Variants in EPHA6 observed in about 807,000 individuals in gnomAD.
The protein encoded by EPHA6 is ephrin type-A receptor 6.
EPHA6 carries 50 observed loss-of-function variants against 112.0 expected under a neutral mutation model. That is an observed-to-expected ratio of 0.45 (90% CI 0.36 to 0.56). The LOEUF (loss-of-function observed/expected upper bound fraction) is 0.56. EPHA6 is among the 20% of genes least tolerant of loss of function. The pLI is 0.00. For missense variants in EPHA6, 1,280 were observed against 1,417.4 expected (o/e 0.90, Z 1.56); for synonymous variants, 529 against 490.7 (o/e 1.08, Z -1.03).
intron 10 of EPHA6, among the ~76,000 whole-genome samples, chr3:97,524,344 A>G (rs927006568): frequency 3.3e-5 from 5 of 152,106 alleles, no homozygotes; most frequent in Non-Finnish European, 7.4e-5. Flanking sequence ...CTTAACTACA[A>G]TTGCATACAA....
intron 5 of EPHA6, among the ~76,000 whole-genome samples, chr3:97,251,787 A>G (rs1347586915): frequency 6.6e-6 from 1 of 152,164 alleles, no homozygotes; most frequent in Non-Finnish European, 1.5e-5. Context: ...TATGATGTCC[A>G]GTGAAAAATA....
At chr3:96,831,685 G>C (rs930530004) in intron 1 of EPHA6, among the ~76,000 whole-genome samples, 1 of 151,820 alleles carries the variant, frequency 6.6e-6, no homozygotes, top group Admixed American at 6.6e-5. Context: ...TTATTTGCAG[G>C]TGGTTTGAGA....
chr3:97,313,494 C>G (rs2108759353), intron 5 of EPHA6, among the ~76,000 whole-genome samples: 1 of 151,606 alleles, frequency 6.6e-6, no homozygotes. Context: ...ATTTTCATTC[C>G]CACAAACATT....
intron 4 of EPHA6, among the ~76,000 whole-genome samples, chr3:97,238,457 T>G (rs1158143821): frequency 6.6e-6 from 1 of 151,932 alleles, no homozygotes; most frequent in Non-Finnish European, 1.5e-5. Context: ...TTAAAACATG[T>G]TACCTTTGGT....
In EPHA6 at chr3:97,748,981, C is replaced by T. The variant is rs574374715; in HGVS notation, c.*280C>T. On this transcript the variant is annotated 3_prime_UTR_variant, in exon 18 of 18. Transcript: ENST00000389672. Reference sequence around the variant, plus strand: ...CATGGATGTGTAATTTTGTATAAGCCGTATATGGGAAGTGTTCACGGACTT... The same window carrying T: ...CATGGATGTGTAATTTTGTATAAGCTGTATATGGGAAGTGTTCACGGACTT... 5.9e-5 allele frequency: 23 copies of T among 390,868 alleles called. No individual in the cohort carries two copies. Among genetic ancestry groups the T allele is most frequent in the African/African-American group, 2.9e-4 (15 of 50,956 alleles). 24.2% of individuals were successfully genotyped at this position (390,868 alleles called of 1,614,324 possible). A position where few individuals can be genotyped will look rare whatever the true frequency, so the allele number is the denominator to read the frequency against.
intron 2 of EPHA6, among the ~76,000 whole-genome samples, chr3:96,986,634 A>G (rs2043032450): frequency 6.6e-6 from 1 of 152,148 alleles, no homozygotes. Context: ...ACTTTCTACC[A>G]TATTATTTAG....
chr3:96,818,435 C>G (rs959508203), intron 1 of EPHA6, among the ~76,000 whole-genome samples: 1 of 151,886 alleles, frequency 6.6e-6, no homozygotes, highest in African/African-American at 2.4e-5. Context: ...ATTAGCAATA[C>G]TTTGTGAATC....
chr3:97,048,309 G>A (rs1349275714), intron 3 of EPHA6, among the ~76,000 whole-genome samples: 3 of 152,226 alleles, frequency 2.0e-5, no homozygotes, highest in East Asian at 1.9e-4. Context: ...TTTAGTAAAC[G>A]GAGTGGAGTG....
intron 3 of EPHA6, among the ~76,000 whole-genome samples, chr3:97,040,207 A>G (rs992460031): frequency 4.6e-5 from 7 of 151,864 alleles, no homozygotes; most frequent in African/African-American, 1.7e-4. Context: ...GGATTTAAGC[A>G]TTCTTAACTG....
chr3:97,145,199 AAAT>A (rs1200416377), intron 3 of EPHA6, among the ~76,000 whole-genome samples: 2 of 151,476 alleles, frequency 1.3e-5, no homozygotes, highest in African/African-American at 4.8e-5. Flanking sequence ...AATACATGTC[AAAT>A]AAAACTATAT....
At chr3:97,555,064 A>G (rs947654026) in intron 11 of EPHA6, among the ~76,000 whole-genome samples, 2 of 151,846 alleles carry the variant, frequency 1.3e-5, no homozygotes, top group African/African-American at 2.4e-5. Flanking sequence ...ATATCTCCTA[A>G]TGGAATCCCT....
rs531152404 is a variant in EPHA6, at chr3:97,670,118, A to G, written c.2784+32036A>G. 7.2e-5 allele frequency among the ~76,000 whole-genome samples: 11 copies of G among 152,296 alleles called. No homozygotes were observed. In the South Asian group the frequency reaches 1.5e-3, roughly 20 times the overall value. On this transcript the variant is annotated intron_variant, in intron 14 of 17. Coordinates refer to ENST00000389672, the MANE Select transcript of EPHA6 (RefSeq NM_001080448.3). ...GAAGACTTAGCTATAATATCCACCA[A>G]CCAAACAAGGGCAGAAAAGACTGAC...
chr3:97,419,165 T>A (rs2125331), intron 6 of EPHA6, among the ~76,000 whole-genome samples: 3 of 152,054 alleles, frequency 2.0e-5, no homozygotes, highest in Non-Finnish European at 2.9e-5. Context: ...TTGCGGGGCA[T>A]GGTGGCATGT....
intron 11 of EPHA6, among the ~76,000 whole-genome samples, chr3:97,566,305 C>CTCCCA (rs1218600546): frequency 1.3e-5 from 2 of 152,188 alleles, no homozygotes; most frequent in East Asian, 3.9e-4. Context: ...ACCCAGTCTT[C>CTCCCA]TCCCATCAGG....
At chr3:97,472,296 A>C (rs1227611833) in intron 7 of EPHA6, among the ~76,000 whole-genome samples, 2 of 151,672 alleles carry the variant, frequency 1.3e-5, no homozygotes, top group Non-Finnish European at 3.0e-5. Flanking sequence ...ATTGGTAGAA[A>C]TCTTTTAAGG....
Position 97,405,220 on chromosome 3 carries a change from A to C in EPHA6, c.1677A>C (p.Ala559=), listed in dbSNP as rs1290900683. The C allele has an allele frequency of 1.9e-6, 3 of 1,610,426 alleles. No homozygotes were observed. Among genetic ancestry groups the C allele is most frequent in the Non-Finnish European group, 2.5e-6 (3 of 1,178,100 alleles). Residue 559 remains alanine, a synonymous_variant, in exon 6 of 18, where the codon GCA becomes GCC. Coordinates refer to ENST00000389672, the MANE Select transcript of EPHA6 (RefSeq NM_001080448.3). ...ATAGCATTGCCCTATCATGGCAAGC[A>C]CCTGCTTTTTCCAATGGAGCCATTC... ...SQNSIALSWQ[A]PAFSNGAILD...
At chr3:97,000,802 T>C (rs2043625946) in intron 3 of EPHA6, among the ~76,000 whole-genome samples, 1 of 151,400 alleles carries the variant, frequency 6.6e-6, no homozygotes, top group Non-Finnish European at 1.5e-5. Flanking sequence ...CTAAGTTATA[T>C]ATATATATAT....
chr3:97,454,329 A>G (rs2090615080), intron 7 of EPHA6, among the ~76,000 whole-genome samples: 2 of 151,900 alleles, frequency 1.3e-5, no homozygotes, highest in South Asian at 2.1e-4. Flanking sequence ...TGTTTTACAC[A>G]TAGTTAGGTT....
At chr3:97,405,961 G>A (rs2087315422) in intron 6 of EPHA6, among the ~76,000 whole-genome samples, 1 of 151,404 alleles carries the variant, frequency 6.6e-6, no homozygotes, top group East Asian at 1.9e-4. Flanking sequence ...GATATTCTTG[G>A]CATCAATATT....
Sources: allele counts gnomAD v4.1 joint callset (sites outside exome capture counted in the v4.1 genomes callset), GRCh38; gene constraint gnomAD v4.1.1; transcripts MANE v1.5; gene names NCBI Gene and HGNC (gene_info 2026-07-23, HGNC 2026-07-21).